Variants in DLG2 observed in about 807,000 individuals in gnomAD.
DLG2 encodes disks large homolog 2.
In DLG2, 45 loss-of-function variants were observed where a neutral mutation model predicts 132.5. The ratio of observed to expected loss-of-function variants is 0.34; its 90% CI spans 0.27 to 0.44. The LOEUF is 0.44. Ranked by LOEUF, DLG2 falls within the 20% of genes least tolerant of loss-of-function variation. The probability of loss-of-function intolerance (pLI) is 1.00; values close to 1 mark genes in which losing one functional copy is unlikely to be tolerated. For synonymous variants in DLG2, 424 were observed against 419.6 expected (o/e 1.01, Z -0.13); for missense variants, 1,045 against 1,196.9 (o/e 0.87, Z 1.87).
intron 3 of DLG2, among the ~76,000 whole-genome samples, chr11:85,449,400 T>C (rs2092144259): frequency 6.6e-6 from 1 of 152,032 alleles, no homozygotes; most frequent in Non-Finnish European, 1.5e-5. Context: ...ATTTCATTAA[T>C]TTATAATTTT....
At chr11:84,295,077 G>C (rs540402707) in intron 7 of DLG2, among the ~76,000 whole-genome samples, 4 of 152,098 alleles carry the variant, frequency 2.6e-5, no homozygotes, top group Non-Finnish European at 5.9e-5. Context: ...ATAGTTCTCT[G>C]ATCATTTTCA....
At chr11:85,312,781 G>A (rs1397582375) in intron 3 of DLG2, among the ~76,000 whole-genome samples, 1 of 151,988 alleles carries the variant, frequency 6.6e-6, no homozygotes, top group Non-Finnish European at 1.5e-5. Context: ...GAAGTGTGAT[G>A]TCCACTTCAA....
chr11:85,480,779 C>G (rs1306247915), intron 3 of DLG2, among the ~76,000 whole-genome samples: 1 of 152,142 alleles, frequency 6.6e-6, no homozygotes, highest in Non-Finnish European at 1.5e-5. Context: ...AGAATCTATT[C>G]TGGAGCCTTT....
At chr11:84,328,830 C>T (rs2098445462) in intron 7 of DLG2, among the ~76,000 whole-genome samples, 1 of 152,186 alleles carries the variant, frequency 6.6e-6, no homozygotes, top group Non-Finnish European at 1.5e-5. Context: ...TGTGCTTTAG[C>T]CAGTACATTT....
At chr11:84,488,687 G>A (rs2099157022) in intron 7 of DLG2, among the ~76,000 whole-genome samples, 1 of 152,160 alleles carries the variant, frequency 6.6e-6, no homozygotes, top group African/African-American at 2.4e-5. Flanking sequence ...AGGAGTGGTG[G>A]CTATGTAAAA....
chr11:83,628,198 T>G (rs1430812176), intron 19 of DLG2, among the ~76,000 whole-genome samples: 1 of 152,210 alleles, frequency 6.6e-6, no homozygotes, highest in Non-Finnish European at 1.5e-5. Flanking sequence ...TCTTTTGCTG[T>G]GCAGAAGCTC....
intron 6 of DLG2, among the ~76,000 whole-genome samples, chr11:85,055,794 C>T (rs1252972902): frequency 6.6e-6 from 1 of 152,066 alleles, no homozygotes; most frequent in Non-Finnish European, 1.5e-5. Context: ...AAAATGGGTT[C>T]AGGGCCCACC....
chr11:85,268,276 G>C (rs1245245718), intron 4 of DLG2, among the ~76,000 whole-genome samples: 1 of 152,086 alleles, frequency 6.6e-6, no homozygotes, highest in Non-Finnish European at 1.5e-5. Context: ...ATATCTGATT[G>C]CCTTCTTTGG....
At chr11:85,507,773 G>T (rs1342432116) in intron 3 of DLG2, among the ~76,000 whole-genome samples, 1 of 152,120 alleles carries the variant, frequency 6.6e-6, no homozygotes, top group African/African-American at 2.4e-5. Flanking sequence ...GGTCTGGGAA[G>T]TTCTCCTGGA....
chr11:84,969,846 G>C (rs977588708), intron 6 of DLG2, among the ~76,000 whole-genome samples: 15 of 152,104 alleles, frequency 9.9e-5, no homozygotes, highest in African/African-American at 3.4e-4. Context: ...CCATAAAAAA[G>C]ATGAGTTCAT....
intron 3 of DLG2, among the ~76,000 whole-genome samples, chr11:85,594,613 A>T (rs1221388431): frequency 6.6e-6 from 1 of 152,242 alleles, no homozygotes. Context: ...ACTAAAGAAT[A>T]ACACATAATT....
chr11:84,753,894 G>A (rs776332309), intron 6 of DLG2, among the ~76,000 whole-genome samples: 2 of 152,180 alleles, frequency 1.3e-5, no homozygotes, highest in Non-Finnish European at 2.9e-5. Context: ...AAAGTTTTAG[G>A]AAAGGATAAG....
chr11:84,523,088 T>C (rs528854013), intron 7 of DLG2, among the ~76,000 whole-genome samples: 48 of 152,286 alleles, frequency 3.2e-4, no homozygotes, highest in Non-Finnish European at 5.9e-4. Context: ...CTGAAGGACA[T>C]CAAGGATGAG....
At position 84,789,792 on chromosome 11, in the gene DLG2, T is replaced by C. The variant is rs139558001; in HGVS notation, c.358-255061A>G. On this transcript the variant is annotated intron_variant, in intron 6 of 27. Coordinates refer to ENST00000376104, the MANE Select transcript of DLG2 (RefSeq NM_001142699.3). The stretch of plus-strand genomic sequence containing the variant: ...AATTGAATTTAAACAGTAAGTTCAA[T>C]TGTTTTAATTTTTAGCTCCCACAAA... Among the ~76,000 whole-genome samples, 7 of 152,338 alleles carry C rather than the reference T, an allele frequency of 4.6e-5. No individual in the cohort carries two copies. In the East Asian group the frequency reaches 1.3e-3, roughly 29 times the overall value.
intron 6 of DLG2, among the ~76,000 whole-genome samples, chr11:84,992,336 C>A (rs904461548): frequency 6.6e-6 from 1 of 152,052 alleles, no homozygotes; most frequent in Non-Finnish European, 1.5e-5. Flanking sequence ...ATGAACCAAC[C>A]CTTATTGACA....
At chr11:84,462,384 G>A (rs2099082702) in intron 7 of DLG2, among the ~76,000 whole-genome samples, 1 of 150,798 alleles carries the variant, frequency 6.6e-6, no homozygotes, top group African/African-American at 2.4e-5. Context: ...ACCTAATAAT[G>A]CAAATAAACA....
At chr11:85,351,227 T>C (rs566287726) in intron 3 of DLG2, among the ~76,000 whole-genome samples, 4 of 152,230 alleles carry the variant, frequency 2.6e-5, no homozygotes, top group Non-Finnish European at 5.9e-5. Flanking sequence ...TAATGGTGTA[T>C]AGGAATGCTT....
In DLG2 at chr11:85,610,899, C is replaced by G. The variant is rs191253878; in HGVS notation, c.-92-12111G>C. 3.1e-3 allele frequency among the ~76,000 whole-genome samples: 479 copies of G among 152,260 alleles called. 3 individuals are homozygous for G. The highest frequency in any genetic ancestry group is 0.011 in the African/African-American group (462 of 41,536). ...CACGGGCTTTTGCCGACTATGGATC[C>G]CCGGATACAGCGAGATGGCCAGACC... On this transcript the variant is annotated intron_variant, in intron 2 of 27. Transcript: ENST00000376104.
intron 18 of DLG2, among the ~76,000 whole-genome samples, chr11:83,648,412 G>A (rs1275382996): frequency 6.6e-6 from 1 of 152,138 alleles, no homozygotes; most frequent in African/African-American, 2.4e-5. Context: ...CCTCTGAAGA[G>A]GAGAAATTTC....
Sources: gnomAD v4.1 joint callset for allele counts (sites outside exome capture counted in the v4.1 genomes callset) on GRCh38, gnomAD v4.1.1 for gene constraint, MANE v1.5 for transcripts, NCBI Gene and HGNC (gene_info 2026-07-23, HGNC 2026-07-21) for gene names.